PCDHGA3: variants seen among roughly 807,000 people sequenced by gnomAD.
PCDHGA3 encodes protocadherin gamma subfamily A, 3.
PCDHGA3 carries 40 observed loss-of-function variants against 58.5 expected under a neutral mutation model. The ratio of observed to expected loss-of-function variants is 0.68; its 90% CI spans 0.53 to 0.89. PCDHGA3 has a LOEUF of 0.89. PCDHGA3 is among the 40% of genes least tolerant of loss of function. PCDHGA3 has a pLI of 0.00. For missense variants in PCDHGA3, 1,223 were observed against 1,195.9 expected, an observed-to-expected ratio of 1.02 and a Z score of -0.33; for synonymous variants, 530 against 525.7, an observed-to-expected ratio of 1.01 and a Z score of -0.11.
chr5:141,492,833 C>T (rs951935267), intron 1 of PCDHGA3, among the ~76,000 whole-genome samples: 2 of 152,222 alleles, frequency 1.3e-5, no homozygotes, highest in African/African-American at 4.8e-5. Flanking sequence ...CCCTTCCTCC[C>T]GCAGGAAGTG....
chr5:141,461,072 A>C (rs555905734), intron 1 of PCDHGA3, among the ~76,000 whole-genome samples: 1 of 151,688 alleles, frequency 6.6e-6, no homozygotes, highest in African/African-American at 2.4e-5. Context: ...ACATTTTTGC[A>C]ATTGTGAATT....
intron 3 of PCDHGA3, among the ~76,000 whole-genome samples, chr5:141,510,089 C>G (rs2099879446): frequency 6.6e-6 from 1 of 152,136 alleles, no homozygotes; most frequent in African/African-American, 2.4e-5. Flanking sequence ...GCCTGGCACA[C>G]AGTAGGTGCT....
chr5:141,487,616 G>T lies in PCDHGA3; in HGVS notation c.2425-7191G>T. The T allele has an allele frequency of 1.2e-6, 2 of 1,614,220 alleles. No homozygotes were observed. The highest frequency in any genetic ancestry group is 1.7e-6 in the Non-Finnish European group (2 of 1,180,044). ...CTCTGATCTTCTCTATGGGCTAGAGGTGAGACCTTTGCAGGCTCAACAAAT... is the reference window on the plus strand; with the variant it reads ...CTCTGATCTTCTCTATGGGCTAGAGTTGAGACCTTTGCAGGCTCAACAAAT... On this transcript the variant is annotated intron_variant, in intron 1 of 3. Coordinates refer to ENST00000253812, the MANE Select transcript of PCDHGA3 (RefSeq NM_018916.4). This position sits in a 1 kb window ranked among gnomAD's most constrained non-coding sequence, Gnocchi z 5.0.
intron 1 of PCDHGA3, among the ~76,000 whole-genome samples, chr5:141,446,482 C>CT (rs112180482): frequency 6.3e-4 from 92 of 147,004 alleles, no homozygotes; most frequent in East Asian, 4.0e-3. Context: ...GGTCATCATT[C>CT]TTTTTTTTTT....
chr5:141,359,666 T>C lies in PCDHGA3; in HGVS notation c.2424+13209T>C, dbSNP rs575464328. Among the ~76,000 whole-genome samples, 19 of 152,200 alleles carry C rather than the reference T, an allele frequency of 1.2e-4. No homozygotes were observed. In the South Asian group the frequency reaches 3.9e-3, roughly 32 times the overall value. On this transcript the variant is annotated intron_variant, in intron 1 of 3. Transcript: ENST00000253812. ...GAAGGAGACAGAATATTTATAAAAA[T>C]CCGTTGCCCTATACAAGACATATCT...
At position 141,384,946 on chromosome 5, in the gene PCDHGA3, G is replaced by A. The variant is rs749521895; in HGVS notation, c.2424+38489G>A. The A allele has an allele frequency of 1.2e-5, 19 of 1,613,924 alleles. No individual in the cohort carries two copies. Among genetic ancestry groups the A allele is most frequent in the Non-Finnish European group, 1.4e-5 (17 of 1,180,030 alleles). On this transcript the variant is annotated intron_variant, in intron 1 of 3. Transcript: ENST00000253812. ...CCTGGGCAGCCTTGAGCCCTCCGACGGTCCTTACAACTATGACCTCACGTT... is the reference window on the plus strand; with the variant it reads ...CCTGGGCAGCCTTGAGCCCTCCGACAGTCCTTACAACTATGACCTCACGTT...
chr5:141,384,510 C>T (rs1038523588), intron 1 of PCDHGA3: 16 of 1,614,028 alleles, frequency 9.9e-6, no homozygotes, highest in African/African-American at 2.7e-5. Flanking sequence ...CACATGACAG[C>T]GGGGACCCGC....
intron 2 of PCDHGA3, among the ~76,000 whole-genome samples, chr5:141,500,428 C>G (rs1224554560): frequency 6.6e-6 from 1 of 151,836 alleles, no homozygotes; most frequent in African/African-American, 2.4e-5. Context: ...CCAGGATGGT[C>G]TCGATCTCCT....
In PCDHGA3 at chr5:141,431,777, G is replaced by C. The variant is rs151011884; in HGVS notation, c.2425-63030G>C. 1.2e-6 allele frequency: 2 copies of C among 1,614,188 alleles called. No individual in the cohort carries two copies. The highest frequency in any genetic ancestry group is 4.5e-5 in the East Asian group (2 of 44,870). ...CAAAGTCCTGATCACTGTTCTGGAC[G>C]TGAACGACAATGCCCCAGAAGTGGT... On this transcript the variant is annotated intron_variant, in intron 1 of 3. Coordinates refer to ENST00000253812, the MANE Select transcript of PCDHGA3 (RefSeq NM_018916.4). The surrounding 1 kb of genome is among the most constrained non-coding windows in gnomAD (Gnocchi z 4.8).
At chr5:141,482,611 G>T (rs1016481108) in intron 1 of PCDHGA3, among the ~76,000 whole-genome samples, 1 of 150,398 alleles carries the variant, frequency 6.6e-6, no homozygotes, top group Admixed American at 6.6e-5. Context: ...ACACCTAAAT[G>T]AGCCTGGAGA....
chr5:141,420,507 A>G (rs548077936), intron 1 of PCDHGA3: 1 of 428,282 alleles, frequency 2.3e-6, no homozygotes, highest in African/African-American at 2.0e-5. Context: ...TGACATTTTT[A>G]TGAAGTAAAA....
chr5:141,494,677 TGCCCCCTCTTA>T, intron 1 of PCDHGA3, 119 bp from the exon 2 acceptor site: 5 of 1,552,906 alleles, frequency 3.2e-6, no homozygotes, highest in Non-Finnish European at 4.4e-6. Flanking sequence ...AGTCCACCCC[TGCCCCCTCTTA>T]GTCCGTTTTC....
chr5:141,485,735 G>C lies in PCDHGA3; in HGVS notation c.2425-9072G>C, dbSNP rs1562107417. ...ACTGGATGTGAAGAAGCGCAGCGAC[G>C]GCAGCCTGGTCCCAGAGCTGCTCCT... is the stretch of plus-strand genomic sequence containing the variant. On this transcript the variant is annotated intron_variant, in intron 1 of 3. Coordinates refer to ENST00000253812, the MANE Select transcript of PCDHGA3 (RefSeq NM_018916.4). This position sits in a 1 kb window ranked among gnomAD's most constrained non-coding sequence, Gnocchi z 5.7. 2.5e-6 allele frequency: 4 copies of C among 1,614,048 alleles called. No individual in the cohort carries two copies. The highest frequency in any genetic ancestry group is 3.4e-6 in the Non-Finnish European group (4 of 1,180,044).
chr5:141,394,202 G>A (rs1285720796), intron 1 of PCDHGA3: 2 of 1,613,832 alleles, frequency 1.2e-6, no homozygotes, highest in Non-Finnish European at 1.7e-6. Context: ...ATATCCTAGA[G>A]AACAACCTGA....
At chr5:141,422,789 TC>T (rs1561803924) in intron 1 of PCDHGA3, 44 of 1,614,158 alleles carry the variant, frequency 2.7e-5, no homozygotes, top group Non-Finnish European at 3.6e-5. Context: ...CTACAATCCT[TC>T]GACTATGAGC....
chr5:141,463,424 CT>C (rs2099058999), intron 1 of PCDHGA3, among the ~76,000 whole-genome samples: 1 of 148,698 alleles, frequency 6.7e-6, no homozygotes, highest in Non-Finnish European at 1.5e-5. Flanking sequence ...TTTGCGGATC[CT>C]CATTTCCTTC....
intron 1 of PCDHGA3, chr5:141,404,445 G>GT: frequency 6.2e-7 from 1 of 1,613,280 alleles, no homozygotes; most frequent in Non-Finnish European, 8.5e-7. Context: ...ACCATCCAAG[G>GT]GTCTCCTCTC....
chr5:141,393,156 A>G (rs1028021318), intron 1 of PCDHGA3: 7 of 1,613,310 alleles, frequency 4.3e-6, no homozygotes, highest in African/African-American at 1.3e-5. Context: ...GGATAAAGGA[A>G]AACTCTTTGG....
Position 141,344,713 on chromosome 5 carries a change from A to T in PCDHGA3, c.680A>T (p.His227Leu). 1.2e-6 allele frequency: 2 copies of T among 1,613,978 alleles called. No homozygotes were observed. The highest frequency in any genetic ancestry group is 1.7e-6 in the Non-Finnish European group (2 of 1,179,900). The change falls in exon 1 of 4, where the codon CAC (histidine) becomes CTC (leucine). Residue 227 changes from histidine (H) to leucine (L), a missense_variant. By Grantham distance (99) the His-to-Leu change is moderately conservative. This residue lies in a region of PCDHGA3 where 791 missense variants were observed against 708.5 expected (regional missense o/e 1.12). Transcript: ENST00000253812. ...GACCCTGTCCACTCTGGCAACTTGC[A>T]CATCCAAGTGATAGTCCTGGATGCA... Reference protein sequence around the residue: ...GGDPVHSGNLHIQVIVLDAND... With the variant: ...GGDPVHSGNLLIQVIVLDAND...
Sources: allele counts gnomAD v4.1 joint callset (sites outside exome capture counted in the v4.1 genomes callset), GRCh38; gene constraint gnomAD v4.1.1; regional missense constraint gnomAD v4.1.1; non-coding constraint Gnocchi (gnomAD v3.1); transcripts MANE v1.5; gene names NCBI Gene and HGNC (gene_info 2026-07-23, HGNC 2026-07-21).